Variants in AQR observed in about 807,000 individuals in gnomAD.
AQR encodes the protein aquarius intron-binding spliceosomal factor.
AQR carries 61 observed loss-of-function variants against 180.5 expected under a neutral mutation model. That is an observed-to-expected ratio of 0.34 (90% confidence interval 0.28 to 0.42). AQR has a LOEUF of 0.42. Among genes scored for constraint, AQR ranks in the 10% least tolerant of loss-of-function variants. The pLI is 1.00. For synonymous variants in AQR, 551 were observed against 588.8 expected, an observed-to-expected ratio of 0.94 and a Z score of 0.93; for missense variants, 1,281 against 1,798.3, an observed-to-expected ratio of 0.71 and a Z score of 5.20.
chr15:34,968,748 A>C (rs12441204), intron 1 of AQR, among the ~76,000 whole-genome samples: 26,723 of 152,160 alleles, frequency 0.18, 2,695 homozygotes, highest in East Asian at 0.29. Flanking sequence ...AGAACACCAG[A>C]TAGATTCAAA....
chr15:34,957,579 T>C (rs1237824492), intron 3 of AQR, among the ~76,000 whole-genome samples: 5 of 151,004 alleles, frequency 3.3e-5, no homozygotes, highest in Admixed American at 1.3e-4. Context: ...AGCATGCCTG[T>C]AATCCCTGCT....
intron 24 of AQR, among the ~76,000 whole-genome samples, chr15:34,888,084 G>T (rs999083141): frequency 2.0e-5 from 3 of 151,022 alleles, no homozygotes; most frequent in African/African-American, 7.3e-5. Context: ...GATCACTTGA[G>T]GTCAGGAGTT....
intron 9 of AQR, among the ~76,000 whole-genome samples, chr15:34,938,271 C>A (rs568059462): frequency 6.6e-6 from 1 of 152,082 alleles, no homozygotes; most frequent in African/African-American, 2.4e-5. Context: ...CAGTGGCTCA[C>A]GCCTGTAATC....
At chr15:34,947,285 G>T (rs891496786) in intron 5 of AQR, among the ~76,000 whole-genome samples, 1 of 151,592 alleles carries the variant, frequency 6.6e-6, no homozygotes, top group Non-Finnish European at 1.5e-5. Flanking sequence ...TGCAAGATGT[G>T]CTTTGTTAAA....
At position 34,915,069 on chromosome 15, in the gene AQR, T is replaced by C. The variant is rs757524921; in HGVS notation, c.1453A>G (p.Ile485Val). ...LESTYEIRQD[I>V]EDSVSRMKPW... is the part of the protein sequence containing the mutation. Reference sequence around the variant, plus strand: ...TTCATTCTGCTGACACTATCTTCAATGTCCTGACGAATTTCATAAGTTGAT... The same window carrying C: ...TTCATTCTGCTGACACTATCTTCAACGTCCTGACGAATTTCATAAGTTGAT... The change falls in exon 16 of 35, where the codon ATT (isoleucine) becomes GTT (valine). Residue 485 changes from isoleucine to valine, a missense_variant. By Grantham distance (29) the Ile-to-Val change is conservative. Around this residue, in one of 9 missense-constraint regions of AQR, gnomAD observed 200 missense variants for 293.4 expected, o/e 0.68. Transcript: ENST00000156471. 24 of 1,612,156 alleles carry C rather than the reference T, an allele frequency of 1.5e-5. No individual in the cohort carries two copies. In the South Asian group the frequency reaches 1.7e-4, roughly 11 times the overall value.
intron 22 of AQR, among the ~76,000 whole-genome samples, chr15:34,895,211 TATATATATATGA>T (rs1188278482): frequency 2.2e-4 from 16 of 72,508 alleles, no homozygotes; most frequent in African/African-American, 8.8e-4. Context: ...TATATATATA[TATATATATATGA>T]AACAAATAAA....
chr15:34,881,972 G>A (rs1595785245), intron 27 of AQR, among the ~76,000 whole-genome samples: 5 of 151,856 alleles, frequency 3.3e-5, no homozygotes, highest in Admixed American at 3.3e-4. Context: ...TGCTCAGCTA[G>A]TTTTTGTATT....
rs370894684 is a variant in AQR, at chr15:34,943,266, A to G, written c.471+1022T>C. 15 of 1,597,484 alleles carry G rather than the reference A, an allele frequency of 9.4e-6. No homozygotes were observed. In the African/African-American group the frequency reaches 2.0e-4, roughly 21 times the overall value. On this transcript the variant is annotated intron_variant, in intron 6 of 34. Coordinates refer to ENST00000156471, the MANE Select transcript of AQR (RefSeq NM_014691.3). ...AATTTTCTGGAAAAAGGCTAAAACTACAAAGATTGTGCTAAGGCTTGAGTG... is the reference window on the plus strand; with the variant it reads ...AATTTTCTGGAAAAAGGCTAAAACTGCAAAGATTGTGCTAAGGCTTGAGTG...
At chr15:34,955,655 C>T (rs146975502) in intron 3 of AQR, among the ~76,000 whole-genome samples, 4,772 of 152,248 alleles carry the variant, frequency 0.031, 96 homozygotes, top group Middle Eastern at 0.082. Flanking sequence ...CGTCTGTAAT[C>T]CCAGCACTTT....
intron 23 of AQR, among the ~76,000 whole-genome samples, chr15:34,892,320 A>G (rs1284918704): frequency 6.6e-5 from 10 of 152,194 alleles, no homozygotes; most frequent in Admixed American, 5.2e-4. Flanking sequence ...ATCCAGTATC[A>G]ATGCACTTTA....
intron 2 of AQR, among the ~76,000 whole-genome samples, chr15:34,962,361 A>C (rs1384874249): frequency 6.6e-6 from 1 of 152,156 alleles, no homozygotes; most frequent in Admixed American, 6.6e-5. Flanking sequence ...TTTGTGAAAT[A>C]AGTATTTGTG....
At chr15:34,864,365 C>T (rs1175584608) in intron 32 of AQR, among the ~76,000 whole-genome samples, 1 of 152,104 alleles carries the variant, frequency 6.6e-6, no homozygotes, top group Non-Finnish European at 1.5e-5. Flanking sequence ...AAGGAAAGGA[C>T]ATACTCCTTT....
chr15:34,859,965 A>C, intron 34 of AQR, 77 bp downstream of exon 34: 4 of 601,548 alleles, frequency 6.6e-6, no homozygotes, highest in Non-Finnish European at 1.0e-5. Flanking sequence ...GGAATTAGGT[A>C]CTTTAAAGAT....
chr15:34,917,623 A>G (rs750406105), intron 15 of AQR, among the ~76,000 whole-genome samples: 3 of 152,144 alleles, frequency 2.0e-5, no homozygotes, highest in Non-Finnish European at 4.4e-5. Context: ...CAAAAGCTCT[A>G]TCAAACACAG....
At chr15:34,925,692 G>A (rs1163810943) in intron 13 of AQR, among the ~76,000 whole-genome samples, 1 of 151,988 alleles carries the variant, frequency 6.6e-6, no homozygotes, top group Admixed American at 6.6e-5. Flanking sequence ...AATTAGCTGG[G>A]CATGGTGGCG....
intron 17 of AQR, among the ~76,000 whole-genome samples, chr15:34,909,833 A>T (rs549338780): frequency 2.8e-4 from 42 of 152,274 alleles, no homozygotes; most frequent in Admixed American, 3.9e-4. Flanking sequence ...TATTTTGCTA[A>T]ATTTAAGACT....
At chr15:34,956,934 T>G (rs916691241) in intron 3 of AQR, among the ~76,000 whole-genome samples, 3 of 151,278 alleles carry the variant, frequency 2.0e-5, no homozygotes, top group Admixed American at 6.6e-5. Flanking sequence ...TTAACTATTA[T>G]TTTTCAAATA....
chr15:34,855,307 C>T lies in AQR; in HGVS notation c.*1485G>A, dbSNP rs534097723. ...TTAATTTCCCTATGAAGCAATCATTCCTTCAAAATGTCAGGACCAGAAGGA... is the reference window on the plus strand; with the variant it reads ...TTAATTTCCCTATGAAGCAATCATTTCTTCAAAATGTCAGGACCAGAAGGA... On this transcript the variant is annotated 3_prime_UTR_variant, in exon 35 of 35. Coordinates refer to ENST00000156471, the MANE Select transcript of AQR (RefSeq NM_014691.3). The T allele has an allele frequency of 9.8e-5, 15 of 152,314 alleles. No individual in the cohort carries two copies. Among genetic ancestry groups the T allele is most frequent in the Middle Eastern group, 6.8e-3 (2 of 294 alleles). The allele number at this position is 152,314 out of a possible 1,614,324, so 9.4% of individuals were successfully genotyped here. A position where few individuals can be genotyped will look rare whatever the true frequency, so the allele number is the denominator to read the frequency against.
At chr15:34,857,165 A>G in intron 34 of AQR, 59 bp from the exon 35 acceptor site, 1 of 1,445,966 alleles carries the variant, frequency 6.9e-7, no homozygotes, top group Non-Finnish European at 9.2e-7. Flanking sequence ...TATAAAGCTA[A>G]GCTCTCACAT....
Sources: gnomAD v4.1 joint callset for allele counts (sites outside exome capture counted in the v4.1 genomes callset) on GRCh38, gnomAD v4.1.1 for gene constraint, gnomAD v4.1.1 regional missense constraint, MANE v1.5 for transcripts, NCBI Gene and HGNC (gene_info 2026-07-23, HGNC 2026-07-21) for gene names.